Variants in LDLRAD3 observed in about 807,000 individuals in gnomAD.
The protein encoded by LDLRAD3 is low-density lipoprotein receptor class A domain-containing protein 3.
Under a neutral mutation model 29.4 loss-of-function variants are expected in LDLRAD3, and 20 were observed. That is an observed-to-expected ratio of 0.68 (90% CI 0.48 to 0.99). The LOEUF (loss-of-function observed/expected upper bound fraction) is 0.99, where lower values mean the gene tolerates loss of function less well. Among genes scored for constraint, LDLRAD3 ranks in the 50% least tolerant of loss-of-function variants. The pLI is 0.00. For missense variants in LDLRAD3, 420 were observed against 454.3 expected (o/e 0.92, Z 0.69); for synonymous variants, 157 against 192.7 (o/e 0.81, Z 1.53).
chr11:35,949,877 G>T (rs1011095515), intron 1 of LDLRAD3, among the ~76,000 whole-genome samples: 1 of 152,196 alleles, frequency 6.6e-6, no homozygotes, highest in Non-Finnish European at 1.5e-5. Flanking sequence ...TTCAGTTCAG[G>T]TCCATTTATC....
intron 1 of LDLRAD3, chr11:35,997,376 T>C (rs1565151147): frequency 4.4e-6 from 2 of 458,824 alleles, no homozygotes; most frequent in Non-Finnish European, 8.5e-6. Flanking sequence ...GATATTTCCA[T>C]TGTGTTTAAT....
intron 4 of LDLRAD3, among the ~76,000 whole-genome samples, chr11:36,223,447 G>A (rs115203733): frequency 0.015 from 2,341 of 152,220 alleles, 50 homozygotes; most frequent in African/African-American, 0.053. Context: ...ACATTTCACT[G>A]GCCAGGAGTG....
chr11:36,214,382 G>C (rs1855324605), intron 4 of LDLRAD3, among the ~76,000 whole-genome samples: 1 of 152,190 alleles, frequency 6.6e-6, no homozygotes, highest in African/African-American at 2.4e-5. Flanking sequence ...TGCCTGCACT[G>C]GCCCCACACT....
intron 4 of LDLRAD3, among the ~76,000 whole-genome samples, chr11:36,150,382 G>A (rs187639356): frequency 1.3e-5 from 2 of 152,190 alleles, no homozygotes; most frequent in African/African-American, 2.4e-5. Flanking sequence ...TTAAAAATTA[G>A]CCAGGCGTGG....
intron 4 of LDLRAD3, among the ~76,000 whole-genome samples, chr11:36,154,146 C>T (rs1463884482): frequency 6.6e-6 from 1 of 152,168 alleles, no homozygotes; most frequent in African/African-American, 2.4e-5. Context: ...ATGAGTTCAT[C>T]CAGAATGTTC....
chr11:36,075,869 G>A (rs951373539), intron 2 of LDLRAD3, among the ~76,000 whole-genome samples: 11 of 152,136 alleles, frequency 7.2e-5, no homozygotes, highest in Non-Finnish European at 1.3e-4. Context: ...TGCTTGGATG[G>A]TTCTAGCTTT....
At chr11:36,011,095 G>A (rs990544905) in intron 1 of LDLRAD3, among the ~76,000 whole-genome samples, 5 of 152,152 alleles carry the variant, frequency 3.3e-5, no homozygotes, top group African/African-American at 7.2e-5. Context: ...GTGAGCCACC[G>A]CACCCAGCCC....
At chr11:36,105,206 TG>T (rs1853509244) in intron 4 of LDLRAD3, among the ~76,000 whole-genome samples, 2 of 60,980 alleles carry the variant, frequency 3.3e-5, no homozygotes, top group African/African-American at 1.4e-4. Context: ...CTGCAGAATT[TG>T]TGTGTGTGTG....
chr11:36,037,073 G>GTGGT (rs1456103919), intron 2 of LDLRAD3, among the ~76,000 whole-genome samples: 1 of 152,184 alleles, frequency 6.6e-6, no homozygotes, highest in East Asian at 1.9e-4. Flanking sequence ...GGTGCCCTGT[G>GTGGT]TGGTTGTCCT....
At chr11:36,133,418 C>T (rs998356834) in intron 4 of LDLRAD3, among the ~76,000 whole-genome samples, 11 of 151,548 alleles carry the variant, frequency 7.3e-5, no homozygotes, top group African/African-American at 2.7e-4. Flanking sequence ...GAGACAAGGT[C>T]TTGCTCTGTT....
At chr11:36,215,030 G>A (rs1030064704) in intron 4 of LDLRAD3, among the ~76,000 whole-genome samples, 1 of 152,214 alleles carries the variant, frequency 6.6e-6, no homozygotes, top group African/African-American at 2.4e-5. Context: ...GAAGGTAGAC[G>A]AGGTGGGTGG....
At chr11:36,224,086 T>C (rs559279179) in intron 4 of LDLRAD3, among the ~76,000 whole-genome samples, 7 of 148,250 alleles carry the variant, frequency 4.7e-5, no homozygotes, top group Non-Finnish European at 8.9e-5. Flanking sequence ...TAATTATATA[T>C]TATATAATTA....
At chr11:36,056,633 T>C (rs1378566191) in intron 2 of LDLRAD3, among the ~76,000 whole-genome samples, 1 of 152,166 alleles carries the variant, frequency 6.6e-6, no homozygotes, top group African/African-American at 2.4e-5. Context: ...TACTTTCCCA[T>C]TGCCGCAAAA....
In LDLRAD3 at chr11:36,229,601, G is replaced by T; in HGVS notation, c.*204G>T. 1 of 534,986 alleles carries T rather than the reference G, an allele frequency of 1.9e-6. No homozygotes were observed. The highest frequency in any genetic ancestry group is 4.3e-4 in the Middle Eastern group (1 of 2,324). 33.1% of individuals were successfully genotyped at this position (534,986 alleles called of 1,614,324 possible). A position where few individuals can be genotyped will look rare whatever the true frequency, so the allele number is the denominator to read the frequency against. On this transcript the variant is annotated 3_prime_UTR_variant, in exon 6 of 6. Transcript: ENST00000315571. ...TCTCAGTTGACATGATCTGTTGTGCGTCTTTTCTGTCAGGTCACTCTTCCC... is the reference window on the plus strand; with the variant it reads ...TCTCAGTTGACATGATCTGTTGTGCTTCTTTTCTGTCAGGTCACTCTTCCC...
intron 4 of LDLRAD3, among the ~76,000 whole-genome samples, chr11:36,158,665 C>T (rs1854390906): frequency 6.6e-6 from 1 of 151,694 alleles, no homozygotes; most frequent in Non-Finnish European, 1.5e-5. Context: ...TTCTGTATAT[C>T]ATCATATCCC....
intron 1 of LDLRAD3, chr11:35,997,678 T>A (rs767038747): frequency 1.1e-5 from 2 of 176,080 alleles, no homozygotes; most frequent in East Asian, 3.6e-4. Context: ...TTCAGTGGTG[T>A]GCTGGAGGCA....
At chr11:36,152,087 C>T (rs1854285940) in intron 4 of LDLRAD3, among the ~76,000 whole-genome samples, 1 of 148,484 alleles carries the variant, frequency 6.7e-6, no homozygotes, top group Admixed American at 6.6e-5. Flanking sequence ...CAAACGCCTC[C>T]TAAGGGAACT....
In LDLRAD3 at chr11:36,227,366, G is replaced by A; in HGVS notation, c.736G>A (p.Ala246Thr). 1.9e-6 allele frequency: 3 copies of A among 1,613,830 alleles called. No homozygotes were observed. The highest frequency in any genetic ancestry group is 2.5e-6 in the Non-Finnish European group (3 of 1,179,886). Reference protein sequence around the residue: ...NNGIQYVASQAEQNASEVGSP... With the variant: ...NNGIQYVASQTEQNASEVGSP... ...TGGCATCCAGTATGTGGCCAGCCAG[G>A]CGGAGCAGAATGCGTCGGAAGTAGG... Residue 246 changes from alanine to threonine, a missense_variant, in exon 5 of 6, where the codon GCG becomes ACG. Ala to Thr is a moderately conservative substitution (Grantham distance 58). Around this residue, in one of 3 missense-constraint regions of LDLRAD3, gnomAD observed 140 missense variants for 139.9 expected, o/e 1.00. Coordinates refer to ENST00000315571, the MANE Select transcript of LDLRAD3 (RefSeq NM_174902.4).
intron 4 of LDLRAD3, among the ~76,000 whole-genome samples, chr11:36,182,094 G>A (rs1343967699): frequency 6.6e-6 from 1 of 152,214 alleles, no homozygotes; most frequent in Non-Finnish European, 1.5e-5. Context: ...GCAGATAACA[G>A]AAAGGAGGAG....
Sources: allele counts gnomAD v4.1 joint callset (sites outside exome capture counted in the v4.1 genomes callset), GRCh38; gene constraint gnomAD v4.1.1; regional missense constraint gnomAD v4.1.1; transcripts MANE v1.5; gene names NCBI Gene and HGNC (gene_info 2026-07-23, HGNC 2026-07-21).